Variants in WDHD1 observed in about 807,000 individuals in gnomAD.
The protein encoded by WDHD1 is WD repeat and HMG-box DNA binding protein 1, also known as WD repeat and HMG-box DNA-binding protein 1.
Under a neutral mutation model 135.4 loss-of-function variants are expected in WDHD1, and 111 were observed. That is an observed-to-expected ratio of 0.82 (90% CI 0.70 to 0.96). The LOEUF is 0.96. WDHD1 is among the 40% of genes least tolerant of loss of function. WDHD1 has a pLI of 0.00. For missense variants in WDHD1, 1,351 were observed against 1,336.3 expected, an observed-to-expected ratio of 1.01 and a Z score of -0.17; for synonymous variants, 434 against 439.0, an observed-to-expected ratio of 0.99 and a Z score of 0.14.
intron 21 of WDHD1, among the ~76,000 whole-genome samples, chr14:54,960,061 C>T (rs1181043054): frequency 6.6e-6 from 1 of 152,186 alleles, no homozygotes; most frequent in Non-Finnish European, 1.5e-5. Flanking sequence ...CTCTCTTCAT[C>T]ATCTTCAGAA....
chr14:54,949,336 C>T (rs954044315), intron 24 of WDHD1, among the ~76,000 whole-genome samples: 14 of 152,204 alleles, frequency 9.2e-5, no homozygotes, highest in South Asian at 2.1e-4. Flanking sequence ...AACCATGGCA[C>T]GAGAACTACG....
intron 10 of WDHD1, among the ~76,000 whole-genome samples, chr14:54,999,798 GGT>G (rs1566735498): frequency 6.6e-6 from 1 of 151,894 alleles, no homozygotes; most frequent in Non-Finnish European, 1.5e-5. Flanking sequence ...GTAGAGATGG[GGT>G]CCCACCATGT....
chr14:54,975,487 A>G (rs1209933412), intron 16 of WDHD1, among the ~76,000 whole-genome samples: 1 of 151,896 alleles, frequency 6.6e-6, no homozygotes, highest in Admixed American at 6.6e-5. Context: ...AGCTGGGATT[A>G]CAGGCATCTG....
chr14:55,021,351 T>C (rs1281412035), intron 2 of WDHD1, among the ~76,000 whole-genome samples: 2 of 152,192 alleles, frequency 1.3e-5, no homozygotes, highest in Non-Finnish European at 2.9e-5. Context: ...TAGGAAGAAC[T>C]CATTTCTATC....
At chr14:54,986,440 T>C (rs1247470681) in intron 14 of WDHD1, among the ~76,000 whole-genome samples, 2 of 152,130 alleles carry the variant, frequency 1.3e-5, no homozygotes, top group African/African-American at 2.4e-5. Context: ...AGTGCTGAGA[T>C]TACAGGTGTG....
chr14:54,984,037 T>G (rs2041659474), intron 15 of WDHD1, among the ~76,000 whole-genome samples: 1 of 152,208 alleles, frequency 6.6e-6, no homozygotes, highest in Non-Finnish European at 1.5e-5. Flanking sequence ...ACACACATAC[T>G]AGTTATTGTA....
chr14:55,001,037 A>C (rs781725906), intron 8 of WDHD1, 45 bp from the exon 9 acceptor site: 14 of 1,255,844 alleles, frequency 1.1e-5, no homozygotes, highest in Middle Eastern at 2.0e-4. Flanking sequence ...GTAAAATTTC[A>C]AACTAAATAC....
chr14:54,967,169 A>T, intron 17 of WDHD1, 111 bp downstream of exon 17: 1 of 886,816 alleles, frequency 1.1e-6, no homozygotes. Flanking sequence ...CTATTTATGT[A>T]ATTATACAGT....
chr14:54,973,907 G>A (rs1182840034), intron 16 of WDHD1, among the ~76,000 whole-genome samples: 1 of 152,006 alleles, frequency 6.6e-6, no homozygotes, highest in Admixed American at 6.6e-5. Context: ...GCACCAATTC[G>A]CATTTTTTTA....
intron 8 of WDHD1, among the ~76,000 whole-genome samples, chr14:55,001,483 G>C (rs907881616): frequency 6.6e-6 from 1 of 151,728 alleles, no homozygotes; most frequent in African/African-American, 2.4e-5. Context: ...AGTTGGTTTC[G>C]GATTCCTGGC....
chr14:54,991,140 C>A, intron 12 of WDHD1, 73 bp downstream of exon 12: 1 of 796,092 alleles, frequency 1.3e-6, no homozygotes, highest in Non-Finnish European at 2.0e-6. Flanking sequence ...ATGTTTTATC[C>A]AAAAAAATTA....
intron 17 of WDHD1, 104 bp from the exon 18 acceptor site, chr14:54,966,710 G>A: frequency 1.7e-6 from 2 of 1,199,262 alleles, no homozygotes; most frequent in Non-Finnish European, 2.3e-6. Flanking sequence ...AATATGTTCT[G>A]AACTCTTCCT....
chr14:54,963,186 G>GA lies in WDHD1; in HGVS notation c.2311-15_2311-14insT, dbSNP rs1330979811. 5 of 185,424 alleles carry GA rather than the reference G, an allele frequency of 2.7e-5. No individual in the cohort carries two copies. Among genetic ancestry groups the GA allele is most frequent in the South Asian group, 9.7e-5 (1 of 10,334 alleles). The allele number at this position is 185,424 out of a possible 1,614,324, so 11.5% of individuals were successfully genotyped here. A position where few individuals can be genotyped will look rare whatever the true frequency, so the allele number is the denominator to read the frequency against. On this transcript the variant is annotated splice_polypyrimidine_tract_variant and intron_variant, in intron 18 of 25. Transcript: ENST00000360586. ...TTTACAAGAAAGCTAATCCAAAAAG[G>GA]GGGGGGGGGGGGAGATCAAATAACA...
chr14:55,003,353 T>TA (rs1361026898), intron 7 of WDHD1, among the ~76,000 whole-genome samples: 2 of 151,254 alleles, frequency 1.3e-5, no homozygotes, highest in Non-Finnish European at 2.9e-5. Context: ...CTACAAAAAA[T>TA]AAAAAAATTA....
At chr14:55,015,385 A>AC (rs1370340616) in intron 2 of WDHD1, among the ~76,000 whole-genome samples, 21 of 149,378 alleles carry the variant, frequency 1.4e-4, no homozygotes, top group Admixed American at 2.0e-4. Context: ...GTCTCAAAAA[A>AC]AAAAAAAAAA....
At chr14:54,950,862 C>T (rs1333585204) in intron 24 of WDHD1, among the ~76,000 whole-genome samples, 3 of 152,044 alleles carry the variant, frequency 2.0e-5, no homozygotes, top group Non-Finnish European at 4.4e-5. Flanking sequence ...ACTGCTCAAC[C>T]ACATGGAAAC....
chr14:54,991,351 T>C lies in WDHD1; in HGVS notation c.1203A>G (p.Glu401=), dbSNP rs1187140127. 2.5e-6 allele frequency: 4 copies of C among 1,614,096 alleles called. No homozygotes were observed. Among genetic ancestry groups the C allele is most frequent in the Admixed American group, 1.7e-5 (1 of 59,998 alleles). Residue 401 remains glutamate, a synonymous_variant, in exon 12 of 26, where the codon GAA becomes GAG. Coordinates refer to ENST00000360586, the MANE Select transcript of WDHD1 (RefSeq NM_007086.4). ...TGSSLLKEEE[E]DGQEGSIHNL... ...TGTGAATGCTGCCTTCTTGACCATC[T>C]TCCTCCTCCTCTTTGAGAAGACTAG...
intron 16 of WDHD1, among the ~76,000 whole-genome samples, chr14:54,980,891 A>G (rs1315255942): frequency 1.3e-5 from 2 of 151,434 alleles, no homozygotes; most frequent in African/African-American, 4.9e-5. Context: ...CAGGCAGATC[A>G]CAAGGTCAGG....
intron 3 of WDHD1, among the ~76,000 whole-genome samples, 159 bp downstream of exon 3, chr14:55,013,326 A>C (rs142746313): frequency 1.1e-3 from 168 of 152,240 alleles, no homozygotes; most frequent in African/African-American, 3.9e-3. Context: ...CATCTCAAAA[A>C]AAAATGGTAG....
Sources: allele counts gnomAD v4.1 joint callset (sites outside exome capture counted in the v4.1 genomes callset), GRCh38; gene constraint gnomAD v4.1.1; transcripts MANE v1.5; gene names NCBI Gene and HGNC (gene_info 2026-07-23, HGNC 2026-07-21).